The following CADPS2 variants were observed in gnomAD, a reference collection of about 807,000 sequenced individuals.
CADPS2 encodes the protein calcium dependent secretion activator 2.
A neutral mutation model predicts 172.5 loss-of-function variants in CADPS2; 93 were observed. The ratio of observed to expected loss-of-function variants is 0.54; its 90% confidence interval spans 0.46 to 0.64. CADPS2 has a LOEUF of 0.64. Ranked by LOEUF, CADPS2 falls within the 30% of genes least tolerant of loss-of-function variation. The pLI, the probability that CADPS2 is intolerant of heterozygous loss-of-function variation, is 0.00. For missense variants in CADPS2, 1,420 were observed against 1,565.9 expected, an observed-to-expected ratio of 0.91 and a Z score of 1.57; for synonymous variants, 546 against 555.2, an observed-to-expected ratio of 0.98 and a Z score of 0.23.
At chr7:122,885,164 T>C (rs1430973885) in intron 1 of CADPS2, among the ~76,000 whole-genome samples, 1 of 152,216 alleles carries the variant, frequency 6.6e-6, no homozygotes, top group Non-Finnish European at 1.5e-5. Flanking sequence ...GAGTCATTAC[T>C]CGTGTCTGGT....
chr7:122,456,643 A>C (rs1179876038), intron 14 of CADPS2, among the ~76,000 whole-genome samples: 2 of 152,216 alleles, frequency 1.3e-5, no homozygotes, highest in Non-Finnish European at 2.9e-5. Context: ...AAGGTTCTTA[A>C]AAAACAGAAT....
In CADPS2 at chr7:122,774,994, G is replaced by T. The variant is rs538362716; in HGVS notation, c.340-37926C>A. Reference sequence around the variant, plus strand: ...TCATTTTTTCTGTTAAATTCTCAAAGAATTGTGTTAGTCTCTCAACTATGT... The same window carrying T: ...TCATTTTTTCTGTTAAATTCTCAAATAATTGTGTTAGTCTCTCAACTATGT... On this transcript the variant is annotated intron_variant, in intron 1 of 29. Coordinates refer to ENST00000449022, the MANE Select transcript of CADPS2 (RefSeq NM_017954.11). Among the ~76,000 whole-genome samples the T allele has an allele frequency of 2.6e-5, 4 of 152,166 alleles. No homozygotes were observed. The East Asian group carries it at 7.7e-4, about 29-fold the overall frequency.
intron 2 of CADPS2, among the ~76,000 whole-genome samples, chr7:122,727,299 T>C (rs1028059014): frequency 1.3e-5 from 2 of 151,814 alleles, no homozygotes; most frequent in Admixed American, 1.3e-4. Context: ...GAGCAGCCTT[T>C]CCTTGGGCCT....
intron 1 of CADPS2, among the ~76,000 whole-genome samples, chr7:122,885,707 C>T (rs1035809365): frequency 6.6e-6 from 1 of 152,158 alleles, no homozygotes; most frequent in Admixed American, 6.5e-5. Flanking sequence ...GCCAGAGCTG[C>T]GCCTGCCGGG....
chr7:122,669,359 T>C (rs1438047332), intron 2 of CADPS2, among the ~76,000 whole-genome samples: 1 of 148,694 alleles, frequency 6.7e-6, no homozygotes, highest in Non-Finnish European at 1.5e-5. Flanking sequence ...ATATATATTT[T>C]TTTTTTTTGA....
At chr7:122,806,095 T>C (rs184869321) in intron 1 of CADPS2, among the ~76,000 whole-genome samples, 82 of 152,326 alleles carry the variant, frequency 5.4e-4, no homozygotes, top group Admixed American at 2.3e-3. Context: ...CTTGAGGCTT[T>C]TGGATTTTCT....
intron 25 of CADPS2, among the ~76,000 whole-genome samples, chr7:122,362,492 A>C (rs1216857076): frequency 1.3e-5 from 2 of 152,180 alleles, no homozygotes; most frequent in Admixed American, 6.5e-5. Flanking sequence ...TTATATTTCT[A>C]TGAAATAAAA....
At chr7:122,825,989 C>T (rs1804767774) in intron 1 of CADPS2, among the ~76,000 whole-genome samples, 1 of 152,174 alleles carries the variant, frequency 6.6e-6, no homozygotes. Context: ...AACTATGGTG[C>T]ACACTGGGTA....
intron 1 of CADPS2, among the ~76,000 whole-genome samples, chr7:122,738,815 A>T (rs985319605): frequency 2.0e-5 from 3 of 151,216 alleles, no homozygotes; most frequent in Non-Finnish European, 4.4e-5. Flanking sequence ...AGACTGATTT[A>T]AAAAAAATTA....
At chr7:122,847,798 C>T (rs920638207) in intron 1 of CADPS2, among the ~76,000 whole-genome samples, 3 of 152,140 alleles carry the variant, frequency 2.0e-5, no homozygotes, top group Non-Finnish European at 4.4e-5. Context: ...CTCCTTAATG[C>T]AAATTGTTTC....
chr7:122,668,402 T>TAAAAAAAAAAAAAAAAAAA (rs34006020), intron 2 of CADPS2, among the ~76,000 whole-genome samples: 2 of 138,196 alleles, frequency 1.4e-5, no homozygotes, highest in African/African-American at 2.7e-5. Flanking sequence ...AAAGTATGGT[T>TAAAAAAAAAAAAAAAAAAA]AAAAAAAAAA....
intron 17 of CADPS2, among the ~76,000 whole-genome samples, chr7:122,423,330 C>T (rs2048761233): frequency 6.6e-6 from 1 of 152,044 alleles, no homozygotes; most frequent in Non-Finnish European, 1.5e-5. Flanking sequence ...AAAAAACAAC[C>T]CATTCCTGTC....
chr7:122,642,296 G>T (rs1365380216), intron 3 of CADPS2, among the ~76,000 whole-genome samples: 1 of 133,076 alleles, frequency 7.5e-6, no homozygotes, highest in Non-Finnish European at 1.7e-5. Context: ...AAAAAAAAAA[G>T]GAGAAATTAA....
At chr7:122,650,319 T>A (rs1207406879) in intron 3 of CADPS2, among the ~76,000 whole-genome samples, 4 of 152,140 alleles carry the variant, frequency 2.6e-5, no homozygotes, top group Admixed American at 2.0e-4. Context: ...TACAGTTGCT[T>A]ATTATGCTTG....
chr7:122,682,383 C>T (rs973886011), intron 2 of CADPS2, among the ~76,000 whole-genome samples: 31 of 152,312 alleles, frequency 2.0e-4, no homozygotes, highest in Admixed American at 6.5e-4. Context: ...CCATCTCTTC[C>T]ACCTTCATTC....
chr7:122,794,673 TCAC>T (rs1795987640), intron 1 of CADPS2, among the ~76,000 whole-genome samples: 1 of 151,126 alleles, frequency 6.6e-6, no homozygotes, highest in South Asian at 2.1e-4. Context: ...ATTGTTCTTA[TCAC>T]CACATGGCAC....
At chr7:122,702,565 G>C in intron 2 of CADPS2, 1 of 1,613,426 alleles carries the variant, frequency 6.2e-7, no homozygotes, top group East Asian at 2.2e-5. Context: ...AATGATTCCC[G>C]AACACTCCAC....
At position 122,357,058 on chromosome 7, in the gene CADPS2, T is replaced by A. The variant is rs139869727; in HGVS notation, c.3504+3730A>T. On this transcript the variant is annotated intron_variant, in intron 27 of 29. Transcript: ENST00000449022. ...GCACATTAACGCATGCATATACATATATCTAAAAATACTGTTAAATGTAAC... is the reference window on the plus strand; with the variant it reads ...GCACATTAACGCATGCATATACATAAATCTAAAAATACTGTTAAATGTAAC... Among the ~76,000 whole-genome samples the A allele has an allele frequency of 3.9e-3, 599 of 152,308 alleles. 5 individuals carry two copies. Among genetic ancestry groups the A allele is most frequent in the African/African-American group, 0.014 (572 of 41,566 alleles).
chr7:122,626,073 A>G (rs2076061603), intron 4 of CADPS2, among the ~76,000 whole-genome samples: 2 of 152,160 alleles, frequency 1.3e-5, no homozygotes, highest in Non-Finnish European at 2.9e-5. Context: ...CAAGGGCAAG[A>G]GTTTAGTGGA....
Sources: allele counts gnomAD v4.1 joint callset (sites outside exome capture counted in the v4.1 genomes callset), GRCh38; gene constraint gnomAD v4.1.1; transcripts MANE v1.5; gene names NCBI Gene and HGNC (gene_info 2026-07-23, HGNC 2026-07-21).